The following EEA1 variants were observed in gnomAD, a reference collection of about 807,000 sequenced individuals.
EEA1 encodes the protein early endosome antigen 1, also known as early endosome antigen 1, 162kD.
EEA1 carries 111 observed loss-of-function variants against 209.2 expected under a neutral mutation model. The ratio of observed to expected loss-of-function variants is 0.53; its 90% confidence interval spans 0.45 to 0.62. The LOEUF (loss-of-function observed/expected upper bound fraction) is 0.62. Ranked by LOEUF, EEA1 falls within the 20% of genes least tolerant of loss-of-function variation. EEA1 has a pLI of 0.00. For synonymous variants in EEA1, 536 were observed against 540.6 expected (o/e 0.99, Z 0.12); for missense variants, 1,343 against 1,530.8 (o/e 0.88, Z 2.05).
At chr12:92,893,821 A>C (rs576986694) in intron 1 of EEA1, among the ~76,000 whole-genome samples, 7 of 152,228 alleles carry the variant, frequency 4.6e-5, no homozygotes, top group African/African-American at 1.4e-4. Flanking sequence ...TATGTTAAAG[A>C]TAAGCAAACC....
chr12:92,857,554 C>T, intron 3 of EEA1, 69 bp from the exon 4 acceptor site: 1 of 976,256 alleles, frequency 1.0e-6, no homozygotes, highest in African/African-American at 1.7e-5. Flanking sequence ...CTTAAGAAAT[C>T]ATGGCTAGTA....
chr12:92,901,562 G>A (rs1880142702), intron 1 of EEA1, among the ~76,000 whole-genome samples: 1 of 151,468 alleles, frequency 6.6e-6, no homozygotes, highest in African/African-American at 2.4e-5. Context: ...AATTATCTAA[G>A]AACTTCTTGT....
At chr12:92,872,655 G>T (rs1878706928) in intron 2 of EEA1, among the ~76,000 whole-genome samples, 1 of 152,146 alleles carries the variant, frequency 6.6e-6, no homozygotes, top group East Asian at 1.9e-4. Flanking sequence ...TGTCAAATAA[G>T]AATAATAGGA....
intron 2 of EEA1, among the ~76,000 whole-genome samples, chr12:92,883,359 G>A (rs1879241070): frequency 6.6e-6 from 1 of 152,108 alleles, no homozygotes; most frequent in Non-Finnish European, 1.5e-5. Context: ...CTCCCATTCT[G>A]CAGGCTATCT....
chr12:92,890,634 C>T (rs1388435480), intron 2 of EEA1, among the ~76,000 whole-genome samples: 4 of 152,098 alleles, frequency 2.6e-5, no homozygotes, highest in Non-Finnish European at 4.4e-5. Context: ...TAAATTATTA[C>T]TAGATTCCTT....
chr12:92,827,646 T>C (rs1369787596), intron 12 of EEA1, among the ~76,000 whole-genome samples: 2 of 152,328 alleles, frequency 1.3e-5, no homozygotes, highest in South Asian at 2.1e-4. Flanking sequence ...AGGAAGACTC[T>C]AGCAGCCTGA....
At chr12:92,783,204 G>A (rs1873984448) in intron 22 of EEA1, among the ~76,000 whole-genome samples, 2 of 152,180 alleles carry the variant, frequency 1.3e-5, no homozygotes, top group Admixed American at 1.3e-4. Flanking sequence ...GTTGTAGGGA[G>A]CAGTCTTGGG....
At chr12:92,799,133 A>G (rs1208021620) in intron 20 of EEA1, 47 bp from the exon 21 acceptor site, 1 of 1,477,662 alleles carries the variant, frequency 6.8e-7, no homozygotes, top group Middle Eastern at 1.9e-4. Context: ...TTCATTCAAA[A>G]GACGATGTAC....
At chr12:92,910,597 C>A (rs1351000846) in intron 1 of EEA1, among the ~76,000 whole-genome samples, 1 of 151,754 alleles carries the variant, frequency 6.6e-6, no homozygotes, top group Non-Finnish European at 1.5e-5. Flanking sequence ...GGTAGAACAC[C>A]AAAGGCGCAA....
intron 13 of EEA1, among the ~76,000 whole-genome samples, chr12:92,824,275 A>C (rs1052012715): frequency 1.1e-4 from 16 of 152,180 alleles, no homozygotes; most frequent in Admixed American, 5.2e-4. Context: ...TCCAAGCTAC[A>C]TCATTTCTTG....
chr12:92,877,067 C>T lies in EEA1; in HGVS notation c.118-12080G>A, dbSNP rs1225522486. Among the ~76,000 whole-genome samples the T allele has an allele frequency of 3.3e-5, 5 of 151,220 alleles. No individual in the cohort carries two copies. In the East Asian group the frequency reaches 9.6e-4, roughly 29 times the overall value. On this transcript the variant is annotated intron_variant, in intron 2 of 28. Transcript: ENST00000322349. ...CAAGAAATTCTCGTGCCTCAGCCTC[C>T]CGAGTAGCTGGGATTACAGGCATGT...
chr12:92,881,933 G>A (rs1204493033), intron 2 of EEA1, among the ~76,000 whole-genome samples: 4 of 151,976 alleles, frequency 2.6e-5, no homozygotes, highest in African/African-American at 9.7e-5. Flanking sequence ...CCTCCTCTGA[G>A]ACAGCAAGAC....
chr12:92,883,710 G>T, intron 2 of EEA1: 1 of 884,958 alleles, frequency 1.1e-6, no homozygotes. Context: ...TCATCAGCTT[G>T]TTCTTTTCTG....
intron 1 of EEA1, among the ~76,000 whole-genome samples, chr12:92,908,925 G>C (rs1002003910): frequency 6.6e-6 from 1 of 152,098 alleles, no homozygotes; most frequent in African/African-American, 2.4e-5. Flanking sequence ...CCAAGTTCTA[G>C]CAATTCTCCT....
At position 92,776,411 on chromosome 12, in the gene EEA1, A is replaced by G. The variant is rs1873660453; in HGVS notation, c.4114-278T>C. ...GGCATTTAAAAAGTTTTTATAAAGT[A>G]TCTCTATCAAATGAAAAACTATTCC... On this transcript the variant is annotated intron_variant, in intron 28 of 28. Coordinates refer to ENST00000322349, the MANE Select transcript of EEA1 (RefSeq NM_003566.4). Among the ~76,000 whole-genome samples, 3 of 152,070 alleles carry G rather than the reference A, an allele frequency of 2.0e-5. No homozygotes were observed. In the South Asian group the frequency reaches 6.2e-4, roughly 31 times the overall value.
At chr12:92,785,045 T>G (rs1450531363) in intron 22 of EEA1, among the ~76,000 whole-genome samples, 1 of 142,542 alleles carries the variant, frequency 7.0e-6, no homozygotes, top group Non-Finnish European at 1.5e-5. Flanking sequence ...AAAAAAAAAC[T>G]TCATATTTTT....
intron 11 of EEA1, among the ~76,000 whole-genome samples, chr12:92,830,314 C>A (rs1240646112): frequency 6.6e-6 from 1 of 152,038 alleles, no homozygotes; most frequent in South Asian, 2.1e-4. Context: ...TCGATCCTCA[C>A]CCTCCTCCCA....
At chr12:92,901,409 T>G (rs1486561049) in intron 1 of EEA1, among the ~76,000 whole-genome samples, 1 of 151,858 alleles carries the variant, frequency 6.6e-6, no homozygotes, top group African/African-American at 2.4e-5. Context: ...CTTTCTCAAA[T>G]TTGCCTACAA....
intron 21 of EEA1, among the ~76,000 whole-genome samples, chr12:92,797,875 G>GTT (rs1490155750): frequency 1.3e-5 from 2 of 152,074 alleles, no homozygotes; most frequent in Non-Finnish European, 2.9e-5. Context: ...ATTTTTGATT[G>GTT]TTTTAATTTA....
Sources: gnomAD v4.1 joint callset for allele counts (sites outside exome capture counted in the v4.1 genomes callset) on GRCh38, gnomAD v4.1.1 for gene constraint, MANE v1.5 for transcripts, NCBI Gene and HGNC (gene_info 2026-07-23, HGNC 2026-07-21) for gene names.